Variants in CCND3 observed in about 807,000 individuals in gnomAD.
CCND3 encodes G1/S-specific cyclin-D3.
Under a neutral mutation model 28.7 loss-of-function variants are expected in CCND3, and 9 were observed. The ratio of observed to expected loss-of-function variants is 0.31; its 90% CI spans 0.19 to 0.55. The LOEUF (loss-of-function observed/expected upper bound fraction) is 0.55, where lower values mean the gene tolerates loss of function less well. CCND3 is among the 20% of genes least tolerant of loss of function. The pLI is 0.93. For synonymous variants in CCND3, 164 were observed against 163.9 expected (o/e 1.00, Z 0.00); for missense variants, 315 against 385.8 (o/e 0.82, Z 1.54).
At chr6:42,044,956 CGTTTTTTTT>C (rs1269490053) in intron 1 of CCND3, among the ~76,000 whole-genome samples, 1 of 123,952 alleles carries the variant, frequency 8.1e-6, no homozygotes, top group African/African-American at 3.1e-5. Flanking sequence ...GCCCGGCTAA[CGTTTTTTTT>C]TTTTTTTTTT....
intron 1 of CCND3, among the ~76,000 whole-genome samples, chr6:41,977,059 T>C (rs1762204620): frequency 6.6e-6 from 1 of 152,174 alleles, no homozygotes; most frequent in African/African-American, 2.4e-5. Flanking sequence ...CTCGCGTTTG[T>C]TGAATGACTC....
At chr6:42,021,206 C>T (rs756462038) in intron 1 of CCND3, among the ~76,000 whole-genome samples, 9 of 152,168 alleles carry the variant, frequency 5.9e-5, no homozygotes, top group East Asian at 1.9e-4. Flanking sequence ...TCTTACTGTA[C>T]GTAATTTATA....
At chr6:41,990,198 A>C (rs1762606843) in intron 1 of CCND3, among the ~76,000 whole-genome samples, 1 of 152,018 alleles carries the variant, frequency 6.6e-6, no homozygotes, top group East Asian at 1.9e-4. Flanking sequence ...ATTCCATTAT[A>C]ATAGCTCTAA....
upstream of CCND3, among the ~76,000 whole-genome samples, chr6:41,943,950 C>G (rs1268784526): frequency 2.0e-5 from 3 of 152,110 alleles, no homozygotes; most frequent in Admixed American, 2.0e-4. Flanking sequence ...TAACCCTTTT[C>G]ATATTTTTTG....
chr6:42,025,711 TG>T (rs1763857052), intron 1 of CCND3, among the ~76,000 whole-genome samples: 1 of 152,186 alleles, frequency 6.6e-6, no homozygotes, highest in Non-Finnish European at 1.5e-5. Flanking sequence ...TAGGGCCTTT[TG>T]GGCTCTGAGT....
chr6:42,012,357 G>A (rs1243672236), intron 1 of CCND3, among the ~76,000 whole-genome samples: 1 of 152,070 alleles, frequency 6.6e-6, no homozygotes, highest in Non-Finnish European at 1.5e-5. Context: ...GGGGAGTGGA[G>A]GTTGCAGTGA....
intron 1 of CCND3, among the ~76,000 whole-genome samples, chr6:42,026,972 G>A (rs1207114134): frequency 2.0e-5 from 3 of 152,170 alleles, no homozygotes; most frequent in Admixed American, 2.0e-4. Flanking sequence ...CACTCTTGTT[G>A]GAGTCTGTGT....
chr6:42,021,057 T>G (rs1763697162), intron 1 of CCND3, among the ~76,000 whole-genome samples: 1 of 152,214 alleles, frequency 6.6e-6, no homozygotes, highest in African/African-American at 2.4e-5. Flanking sequence ...CAGCCTCAGT[T>G]TCACTATCTT....
Position 41,957,260 on chromosome 6 carries a change from C to T in CCND3, c.-45-16675G>A, listed in dbSNP as rs112233623. 6.9e-3 allele frequency among the ~76,000 whole-genome samples: 1,048 copies of T among 152,324 alleles called. 12 individuals are homozygous for T. The highest frequency in any genetic ancestry group is 0.011 in the Non-Finnish European group (721 of 68,030). On this transcript the variant is annotated intron_variant, in intron 1 of 4. Transcript: ENST00000372988. ...GGCCATCTGATTAATCTCTCACAGA[C>T]ACTCCTTTCGTCTTCAGTCCAAGGA... is the stretch of plus-strand genomic sequence containing the variant.
At chr6:42,045,289 A>T (rs144546540) in intron 1 of CCND3, among the ~76,000 whole-genome samples, 67 of 152,316 alleles carry the variant, frequency 4.4e-4, no homozygotes, top group African/African-American at 1.2e-3. Flanking sequence ...TAGACTTTGA[A>T]ATCAGATAGA....
rs1355482526 is a variant in CCND3, at chr6:41,941,003, C to A, written c.199-418G>T. 1.2e-6 allele frequency: 2 copies of A among 1,612,638 alleles called. No homozygotes were observed. The highest frequency in any genetic ancestry group is 3.3e-5 in the Admixed American group (2 of 59,996). On this transcript the variant is annotated intron_variant, in intron 1 of 4. Transcript: ENST00000372991. This position sits in a 1 kb window ranked among gnomAD's most constrained non-coding sequence, Gnocchi z 6.1. ...CGCTGCCTCCTGCACTTTTCATTTCCCTGTCGGCCGGAACAGGGCGCGCGC... is the reference window on the plus strand; with the variant it reads ...CGCTGCCTCCTGCACTTTTCATTTCACTGTCGGCCGGAACAGGGCGCGCGC...
intron 1 of CCND3, among the ~76,000 whole-genome samples, chr6:41,988,911 G>A (rs1762570904): frequency 6.6e-6 from 1 of 151,376 alleles, no homozygotes; most frequent in Admixed American, 6.6e-5. Context: ...GTGTTAGCCA[G>A]GATGGTCTCG....
At chr6:42,033,981 C>T (rs928298433) in intron 1 of CCND3, among the ~76,000 whole-genome samples, 2 of 152,046 alleles carry the variant, frequency 1.3e-5, no homozygotes, top group East Asian at 1.9e-4. Context: ...ATAGAAGAAA[C>T]GCTGTTGCTA....
rs1219177969 is a variant in CCND3, at chr6:41,941,145, G to A, written c.198+307C>T. 1 of 1,474,214 alleles carries A rather than the reference G, an allele frequency of 6.8e-7. No individual in the cohort carries two copies. The highest frequency in any genetic ancestry group is 8.9e-7 in the Non-Finnish European group (1 of 1,117,792). The allele number at this position is 1,474,214 out of a possible 1,614,324, so 91.3% of individuals were successfully genotyped here. A position where few individuals can be genotyped will look rare whatever the true frequency, so the allele number is the denominator to read the frequency against. On this transcript the variant is annotated intron_variant, in intron 1 of 4. Transcript: ENST00000372991. This position sits in a 1 kb window ranked among gnomAD's most constrained non-coding sequence, Gnocchi z 6.1. ...GCTCTCCGGAGAAGGCCGGGAGGCG[G>A]AGGGAAGCGGGAGACGCTGTGAGAA...
intron 1 of CCND3, among the ~76,000 whole-genome samples, chr6:42,030,515 T>C (rs1764013380): frequency 6.6e-6 from 1 of 152,098 alleles, no homozygotes; most frequent in Non-Finnish European, 1.5e-5. Context: ...TACTGGACTG[T>C]GGGCTCCTGG....
rs1051306257 is a variant in CCND3, at chr6:41,938,107, A to T, written c.415-713T>A. 6.5e-6 allele frequency: 1 copy of T among 152,680 alleles called. No homozygotes were observed. Among genetic ancestry groups the T allele is most frequent in the African/African-American group, 2.4e-5 (1 of 41,408 alleles). The allele number at this position is 152,680 out of a possible 1,614,324, so 9.5% of individuals were successfully genotyped here. On this transcript the variant is annotated intron_variant, in intron 2 of 4. Coordinates refer to ENST00000372991, the MANE Select transcript of CCND3 (RefSeq NM_001760.5). The surrounding 1 kb of genome is among the most constrained non-coding windows in gnomAD (Gnocchi z 4.6). ...AGGATAGGTAGAGGCCAAGCCAGAC[A>T]GGATGGCTCCAAATGATTCCAGAGG... is the stretch of plus-strand genomic sequence containing the variant.
intron 1 of CCND3, among the ~76,000 whole-genome samples, chr6:41,956,008 G>A (rs1776426692): frequency 6.6e-6 from 1 of 152,174 alleles, no homozygotes; most frequent in Non-Finnish European, 1.5e-5. Flanking sequence ...ATATTTAAAT[G>A]TAGGGCCGGG....
Position 41,957,026 on chromosome 6 carries a change from G to A in CCND3, c.-45-16441C>T, listed in dbSNP as rs547689497. ...AGCCTGGGCAACAGAATGAGACTCC[G>A]TCTCAAAACAAACAAACAAACAAAC... On this transcript the variant is annotated intron_variant, in intron 1 of 4. Coordinates refer to the CCND3 transcript ENST00000372988. 3.3e-5 allele frequency among the ~76,000 whole-genome samples: 5 copies of A among 152,098 alleles called. 1 individual carries two copies. The highest frequency in any genetic ancestry group is 1.3e-4 in the Admixed American group (2 of 15,272).
chr6:42,042,965 G>A (rs1014141526), intron 1 of CCND3, among the ~76,000 whole-genome samples: 2 of 152,238 alleles, frequency 1.3e-5, no homozygotes, highest in African/African-American at 2.4e-5. Flanking sequence ...ATGAGAGATG[G>A]CACAGATTAG....
Sources: allele counts gnomAD v4.1 joint callset (sites outside exome capture counted in the v4.1 genomes callset), GRCh38; gene constraint gnomAD v4.1.1; non-coding constraint Gnocchi (gnomAD v3.1); transcripts MANE v1.5; gene names NCBI Gene and HGNC (gene_info 2026-07-23, HGNC 2026-07-21).